The following PPARGC1A variants were observed in gnomAD, a reference collection of about 807,000 sequenced individuals.
PPARGC1A encodes the protein PPARG coactivator 1 alpha.
In PPARGC1A, 25 loss-of-function variants were observed where a neutral mutation model predicts 88.7. That is an observed-to-expected ratio of 0.28 (90% confidence interval 0.21 to 0.39). PPARGC1A has a LOEUF of 0.39. Ranked by LOEUF, PPARGC1A falls within the 10% of genes least tolerant of loss-of-function variation. The pLI is 1.00. For synonymous variants in PPARGC1A, 363 were observed against 355.6 expected (o/e 1.02, Z -0.24); for missense variants, 880 against 968.7 (o/e 0.91, Z 1.22).
intron 2 of PPARGC1A, among the ~76,000 whole-genome samples, chr4:23,862,991 C>G (rs978291567): frequency 2.0e-5 from 3 of 152,162 alleles, no homozygotes; most frequent in African/African-American, 7.2e-5. Context: ...TGCGCCTTCC[C>G]TGAAACATGT....
At chr4:24,123,015 G>A in the PPARGC1A span, among the ~76,000 whole-genome samples, 2 of 152,038 alleles carry the variant, frequency 1.3e-5, no homozygotes, top group East Asian at 3.9e-4. Context: ...TCTGTTGAGT[G>A]TGTGTGTGTG....
the PPARGC1A span, among the ~76,000 whole-genome samples, chr4:24,088,941 A>G: frequency 2.6e-5 from 4 of 152,144 alleles, no homozygotes; most frequent in South Asian, 2.1e-4. Context: ...GAGCCTTGCT[A>G]TTTACATCTG....
chr4:24,236,929 T>C, the PPARGC1A span, among the ~76,000 whole-genome samples: 1 of 152,220 alleles, frequency 6.6e-6, no homozygotes, highest in Admixed American at 6.5e-5. Context: ...GAAATTAACA[T>C]GCGCACTGAA....
the PPARGC1A span, among the ~76,000 whole-genome samples, chr4:24,127,598 TAGAG>T: frequency 6.6e-6 from 1 of 152,006 alleles, no homozygotes; most frequent in African/African-American, 2.4e-5. Flanking sequence ...TATATAGAGA[TAGAG>T]ATAGAACTTC....
the PPARGC1A span, among the ~76,000 whole-genome samples, chr4:24,028,505 T>C: frequency 6.6e-6 from 1 of 152,156 alleles, no homozygotes; most frequent in Non-Finnish European, 1.5e-5. Context: ...AGGTACTAAA[T>C]GACAGAGAAA....
chr4:24,164,784 G>C, the PPARGC1A span, among the ~76,000 whole-genome samples: 1 of 152,164 alleles, frequency 6.6e-6, no homozygotes, highest in East Asian at 1.9e-4. Flanking sequence ...CTGGTGCACA[G>C]ATTGAAGGGT....
the PPARGC1A span, among the ~76,000 whole-genome samples, chr4:24,287,634 GCACACA>G: frequency 1.6e-4 from 23 of 142,144 alleles, no homozygotes; most frequent in African/African-American, 3.1e-4. Flanking sequence ...AACACCACAT[GCACACA>G]CACACACACA....
chr4:23,824,712 C>A (rs1314467685), intron 5 of PPARGC1A, among the ~76,000 whole-genome samples: 4 of 151,974 alleles, frequency 2.6e-5, no homozygotes, highest in African/African-American at 9.7e-5. Context: ...AACTACCATT[C>A]GAAAACACAT....
the PPARGC1A span, among the ~76,000 whole-genome samples, chr4:24,458,330 T>A: frequency 2.0e-5 from 3 of 151,886 alleles, no homozygotes; most frequent in Admixed American, 6.6e-5. Context: ...CGAAACCCCA[T>A]CTCCACAAAA....
chr4:23,823,456 A>G (rs1723376056), intron 7 of PPARGC1A, among the ~76,000 whole-genome samples: 1 of 152,082 alleles, frequency 6.6e-6, no homozygotes. Flanking sequence ...GCAAAGGTAA[A>G]ATAAAACAGT....
the PPARGC1A span, among the ~76,000 whole-genome samples, chr4:24,023,087 A>T: frequency 2.0e-5 from 3 of 152,184 alleles, no homozygotes; most frequent in Non-Finnish European, 1.5e-5. Flanking sequence ...TTTAGTTAAT[A>T]CTATTTTATG....
intron 2 of PPARGC1A, chr4:23,875,665 C>T (rs59959546): frequency 0.085 from 12,889 of 152,080 alleles, 865 homozygotes; most frequent in African/African-American, 0.19. Context: ...TATCACCCAG[C>T]GATATTCTTC....
At chr4:23,841,201 C>T (rs998975785) in intron 2 of PPARGC1A, among the ~76,000 whole-genome samples, 1 of 151,970 alleles carries the variant, frequency 6.6e-6, no homozygotes, top group Non-Finnish European at 1.5e-5. Context: ...GATAATCATG[C>T]CAGACAAACC....
the PPARGC1A span, among the ~76,000 whole-genome samples, chr4:24,462,074 A>G: frequency 6.6e-6 from 1 of 151,936 alleles, no homozygotes; most frequent in Non-Finnish European, 1.5e-5. Context: ...CATGCAGAGC[A>G]GCATGTTTTT....
chr4:23,806,722 A>G (rs991404194), intron 10 of PPARGC1A, among the ~76,000 whole-genome samples: 1 of 152,200 alleles, frequency 6.6e-6, no homozygotes, highest in Admixed American at 6.5e-5. Flanking sequence ...AGAAACAAGA[A>G]ACTGACTGAA....
At chr4:24,358,971 G>A in the PPARGC1A span, among the ~76,000 whole-genome samples, 2 of 152,166 alleles carry the variant, frequency 1.3e-5, no homozygotes, top group African/African-American at 4.8e-5. Flanking sequence ...AGACCAGCAG[G>A]GGCGATTACA....
chr4:24,153,634 T>C, the PPARGC1A span, among the ~76,000 whole-genome samples: 2 of 152,184 alleles, frequency 1.3e-5, no homozygotes, highest in Non-Finnish European at 2.9e-5. Context: ...CCGTAGTCCA[T>C]AAAAATTTCA....
At chr4:24,231,124 C>G in the PPARGC1A span, among the ~76,000 whole-genome samples, 1 of 149,928 alleles carries the variant, frequency 6.7e-6, no homozygotes, top group Non-Finnish European at 1.5e-5. Context: ...GCAGTGCTTC[C>G]AAGAGAAAAA....
the PPARGC1A span, among the ~76,000 whole-genome samples, chr4:24,354,844 G>A: frequency 2.0e-5 from 3 of 152,026 alleles, no homozygotes; most frequent in African/African-American, 4.8e-5. Flanking sequence ...CCAAGATCAC[G>A]CGACTGCACT....
Sources: allele counts gnomAD v4.1 joint callset (sites outside exome capture counted in the v4.1 genomes callset), GRCh38; gene constraint gnomAD v4.1.1; transcripts MANE v1.5; gene names NCBI Gene and HGNC (gene_info 2026-07-23, HGNC 2026-07-21).